PRPF8: variants seen among roughly 807,000 people sequenced by gnomAD.
PRPF8 encodes pre-mRNA processing factor 8.
A neutral mutation model predicts 285.9 loss-of-function variants in PRPF8; 64 were observed. That is an observed-to-expected ratio of 0.22 (90% CI 0.18 to 0.28). PRPF8 has a LOEUF of 0.28. PRPF8 is among the 10% of genes least tolerant of loss of function. The probability of loss-of-function intolerance (pLI) is 1.00; values close to 1 mark genes in which losing one functional copy is unlikely to be tolerated. For missense variants in PRPF8, 1,426 were observed against 3,026.7 expected (o/e 0.47, Z 12.41); for synonymous variants, 1,325 against 1,118.2 (o/e 1.18, Z -3.69).
Position 1,684,602 on chromosome 17 carries a change from A to G in PRPF8, c.-11-20T>C. On this transcript the variant is annotated intron_variant, in intron 1 of 42. Transcript: ENST00000304992. The stretch of plus-strand genomic sequence containing the variant: ...GAGAATCTGGGGAGCGGCGGGATAG[A>G]AAAATTCACTAACCACAGGCCCGGG... The G allele has an allele frequency of 6.2e-7, 1 of 1,609,206 alleles. No homozygotes were observed. The highest frequency in any genetic ancestry group is 8.5e-7 in the Non-Finnish European group (1 of 1,177,472).
intron 24 of PRPF8, among the ~76,000 whole-genome samples, chr17:1,670,015 T>C (rs544272002): frequency 8.1e-4 from 124 of 152,326 alleles, no homozygotes; most frequent in African/African-American, 2.8e-3. Flanking sequence ...AAGCTATCCC[T>C]GACTGCTCTT....
At chr17:1,654,249 A>G (rs1911231961) in intron 37 of PRPF8, 1 of 642,010 alleles carries the variant, frequency 1.6e-6, no homozygotes, top group African/African-American at 1.8e-5. Flanking sequence ...TTTAGCATCC[A>G]TAAACCCTAC....
At chr17:1,655,690 G>C (rs183055459) in intron 36 of PRPF8, 147 bp from the exon 37 acceptor site, 1 of 694,864 alleles carries the variant, frequency 1.4e-6, no homozygotes, top group Non-Finnish European at 2.5e-6. Flanking sequence ...GCAGTGGCAT[G>C]ATCTCGGCTC....
At chr17:1,655,627 A>ATTT in intron 36 of PRPF8, 84 bp from the exon 37 acceptor site, 3 of 1,042,132 alleles carry the variant, frequency 2.9e-6, no homozygotes, top group Non-Finnish European at 4.2e-6. Context: ...AAACCCAAGA[A>ATTT]TTTTTTTTTT....
Position 1,678,406 on chromosome 17 carries a change from T to A in PRPF8, c.1854+112A>T, listed in dbSNP as rs543512622. ...GCTGAGGCAGGAGAATTGCTTGAAC[T>A]CAGGAGGCGGAGGTTGCAGTGAGCC... On this transcript the variant is annotated intron_variant, in intron 13 of 42. Coordinates refer to ENST00000304992, the MANE Select transcript of PRPF8 (RefSeq NM_006445.4). The A allele has an allele frequency of 2.2e-6, 3 of 1,374,250 alleles. No homozygotes were observed. In the East Asian group the frequency reaches 6.9e-5, roughly 32 times the overall value. The allele number at this position is 1,374,250 out of a possible 1,614,324, so 85.1% of individuals were successfully genotyped here. A position where few individuals can be genotyped will look rare whatever the true frequency, so the allele number is the denominator to read the frequency against.
rs1912464635 is a variant in PRPF8, at chr17:1,673,924, C to T, written c.3300-32G>A. On this transcript the variant is annotated intron_variant, in intron 21 of 42. Transcript: ENST00000304992. The surrounding 1 kb of genome is among the most constrained non-coding windows in gnomAD (Gnocchi z 5.5). ...CAGACCAGGTACACTGCTGAGGCCC[C>T]AGTACACTGAGATTTGGGACACCCA... The T allele has an allele frequency of 1.9e-6, 3 of 1,608,168 alleles. No homozygotes were observed. The highest frequency in any genetic ancestry group is 1.3e-5 in the African/African-American group (1 of 74,904).
intron 36 of PRPF8, among the ~76,000 whole-genome samples, 194 bp downstream of exon 36, chr17:1,656,198 C>T (rs774424377): frequency 9.2e-5 from 14 of 152,192 alleles, no homozygotes; most frequent in South Asian, 2.1e-4. Context: ...GCTGGGATTA[C>T]GGGCGTGAGC....
rs763012455 is a variant in PRPF8 at position 1,672,135 on chromosome 17, C to T, written c.3774+946G>A. On this transcript the variant is annotated intron_variant, in intron 24 of 42. Transcript: ENST00000304992. ...GCAATAGTTCTAAAACATAACAGAA[C>T]GTATCCTTAACAGACTTAACTAAAA... is the stretch of plus-strand genomic sequence containing the variant. Among the ~76,000 whole-genome samples, 52 of 152,140 alleles carry T rather than the reference C, an allele frequency of 3.4e-4. 1 individual carries two copies. The highest frequency in any genetic ancestry group is 1.0e-4 in the Non-Finnish European group (7 of 68,036).
chr17:1,679,884 C>A lies in PRPF8; in HGVS notation c.1099-85G>T. ...GAGGGAAATTCTCTGGGGCCAAGCACAAAGCCTGTATCTGCTATGGAAACT... is the reference window on the plus strand; with the variant it reads ...GAGGGAAATTCTCTGGGGCCAAGCAAAAAGCCTGTATCTGCTATGGAAACT... On this transcript the variant is annotated intron_variant, in intron 8 of 42. Transcript: ENST00000304992. The surrounding 1 kb of genome is among the most constrained non-coding windows in gnomAD (Gnocchi z 4.7). 2 of 1,500,334 alleles carry A rather than the reference C, an allele frequency of 1.3e-6. No homozygotes were observed. The highest frequency in any genetic ancestry group is 1.9e-6 in the Non-Finnish European group (2 of 1,076,606). 92.9% of individuals were successfully genotyped at this position (1,500,334 alleles called of 1,614,324 possible). A position where few individuals can be genotyped will look rare whatever the true frequency, so the allele number is the denominator to read the frequency against.
At position 1,679,231 on chromosome 17, in the gene PRPF8, G is replaced by T. The variant is rs1912771778; in HGVS notation, c.1410-25C>A. On this transcript the variant is annotated intron_variant, in intron 10 of 42. Coordinates refer to ENST00000304992, the MANE Select transcript of PRPF8 (RefSeq NM_006445.4). This position sits in a 1 kb window ranked among gnomAD's most constrained non-coding sequence, Gnocchi z 4.7. ...CCTGAGGTGGGAACATGGAGAGTAA[G>T]AGTCAGCCTACTGATATCTCTGGAA... The T allele has an allele frequency of 1.2e-6, 2 of 1,614,228 alleles. No homozygotes were observed. Among genetic ancestry groups the T allele is most frequent in the Non-Finnish European group, 1.7e-6 (2 of 1,180,048 alleles).
intron 8 of PRPF8, among the ~76,000 whole-genome samples, chr17:1,680,269 A>C (rs1051793224): frequency 6.6e-5 from 10 of 152,230 alleles, no homozygotes; most frequent in Admixed American, 3.3e-4. Flanking sequence ...TGGTTGCGTA[A>C]GGAAGTTGGG....
intron 21 of PRPF8, among the ~76,000 whole-genome samples, 183 bp from the exon 22 acceptor site, chr17:1,674,075 C>T (rs959084632): frequency 3.9e-5 from 6 of 151,966 alleles, no homozygotes; most frequent in African/African-American, 1.2e-4. Flanking sequence ...CAGGCTGGAG[C>T]GCAGCGGCGC....
rs1226624147 is a variant in PRPF8 at position 1,677,606 on chromosome 17, A to G, written c.1943T>C (p.Leu648Ser). 1 of 1,613,984 alleles carries G rather than the reference A, an allele frequency of 6.2e-7. No homozygotes were observed. The highest frequency in any genetic ancestry group is 8.5e-7 in the Non-Finnish European group (1 of 1,179,998). ...LFFMRGITPL[L>S]ERWLGNLLAR... ...CAGGAGGTTGCCAAGCCATCGCTCT[A>G]ATAAAGGGGTAATGCCACGCATGAA... Residue 648 changes from leucine (L) to serine (S), a missense_variant, in exon 14 of 43, where the codon TTA becomes TCA. Physicochemically the swap from Leu to Ser is moderately radical, Grantham distance 145. This residue lies in a region of PRPF8 where 69 missense variants were observed against 134.7 expected (regional missense o/e 0.51). Coordinates refer to ENST00000304992, the MANE Select transcript of PRPF8 (RefSeq NM_006445.4).
intron 21 of PRPF8, among the ~76,000 whole-genome samples, chr17:1,674,180 G>A (rs1285381401): frequency 6.6e-6 from 1 of 151,950 alleles, no homozygotes; most frequent in South Asian, 2.1e-4. Flanking sequence ...CCGCCACCAC[G>A]CCCAGCTAAT....
rs749007878 is a variant in PRPF8, at chr17:1,659,755, C to G, written c.4946+86G>C. 7 of 1,529,804 alleles carry G rather than the reference C, an allele frequency of 4.6e-6. No individual in the cohort carries two copies. The highest frequency in any genetic ancestry group is 6.3e-6 in the Non-Finnish European group (7 of 1,115,534). 94.8% of individuals were successfully genotyped at this position (1,529,804 alleles called of 1,614,324 possible). On this transcript the variant is annotated intron_variant, in intron 31 of 42. Coordinates refer to ENST00000304992, the MANE Select transcript of PRPF8 (RefSeq NM_006445.4). The surrounding 1 kb of genome is among the most constrained non-coding windows in gnomAD (Gnocchi z 5.1). Reference sequence around the variant, plus strand: ...GCTCCAAGTTTGAAACAAAGGCAGACAGGACAATTCCTAAAGTTGCAGGGC... The same window carrying G: ...GCTCCAAGTTTGAAACAAAGGCAGAGAGGACAATTCCTAAAGTTGCAGGGC...
At chr17:1,677,346 C>T in intron 14 of PRPF8, 174 bp from the exon 15 acceptor site, 1 of 960,566 alleles carries the variant, frequency 1.0e-6, no homozygotes. Context: ...CACAACTATG[C>T]TTCTGAGGAA....
At position 1,676,994 on chromosome 17, in the gene PRPF8, T is replaced by C. The variant is rs1476094810; in HGVS notation, c.2163A>G (p.Lys721=). 1.2e-6 allele frequency: 2 copies of C among 1,613,930 alleles called. No homozygotes were observed. Among genetic ancestry groups the C allele is most frequent in the African/African-American group, 2.7e-5 (2 of 74,926 alleles). Residue 721 remains lysine (K), a synonymous_variant, in exon 15 of 43, where the codon AAA becomes AAG. Transcript: ENST00000304992. The surrounding 1 kb of genome is among the most constrained non-coding windows in gnomAD (Gnocchi z 6.3). ...QHLSEAWRCW[K]ANIPWKVPGL... is the part of the protein sequence containing the mutation. ...CACCCACCTTCCAGGGAATGTTGGC[T>C]TTCCAGCAGCGCCAGGCTTCACTGA...
Position 1,660,435 on chromosome 17 carries a change from A to C in PRPF8, c.4782T>G (p.Cys1594Trp), listed in dbSNP as rs749058474. 5 of 1,613,966 alleles carry C rather than the reference A, an allele frequency of 3.1e-6. No homozygotes were observed. The highest frequency in any genetic ancestry group is 2.7e-5 in the African/African-American group (2 of 74,920). The stretch of plus-strand genomic sequence containing the variant: ...TCTCCCCTCGATTCCAGCCCACCTG[A>C]CATAAGTCCATAACAATGCTCTCAT... ...KIHESIVMDLCQVFDQELDAL... is the reference protein window; with the variant it reads ...KIHESIVMDLWQVFDQELDAL... The change falls in exon 30 of 43, where the codon TGT becomes TGG. Residue 1594 changes from cysteine (C) to tryptophan (W), a missense_variant. Coordinates refer to ENST00000304992, the MANE Select transcript of PRPF8 (RefSeq NM_006445.4).
At chr17:1,665,976 A>C (rs1214309834) in intron 24 of PRPF8, among the ~76,000 whole-genome samples, 1 of 132,856 alleles carries the variant, frequency 7.5e-6, no homozygotes, top group African/African-American at 3.0e-5. Flanking sequence ...ATCCTCGCAA[A>C]CACGGTGAAA....
Sources: allele counts gnomAD v4.1 joint callset (sites outside exome capture counted in the v4.1 genomes callset), GRCh38; gene constraint gnomAD v4.1.1; regional missense constraint gnomAD v4.1.1; non-coding constraint Gnocchi (gnomAD v3.1); transcripts MANE v1.5; gene names NCBI Gene and HGNC (gene_info 2026-07-23, HGNC 2026-07-21).